The following PTCHD4 variants were observed in gnomAD, a reference collection of about 807,000 sequenced individuals.
PTCHD4 encodes patched domain-containing protein 4.
PTCHD4 carries 33 observed loss-of-function variants against 58.1 expected under a neutral mutation model. The observed-to-expected ratio is 0.57, with a 90% CI of 0.43 to 0.76. The LOEUF is 0.76. Ranked by LOEUF, PTCHD4 falls within the 30% of genes least tolerant of loss-of-function variation. The pLI is 0.00. For missense variants in PTCHD4, 1,058 were observed against 1,027.1 expected (o/e 1.03, Z -0.41); for synonymous variants, 478 against 409.6 (o/e 1.17, Z -2.02).
Position 47,956,928 on chromosome 6 carries a change from C to A in PTCHD4, c.898+51706G>T, listed in dbSNP as rs186791468. On this transcript the variant is annotated intron_variant, in intron 4 of 4. Coordinates refer to ENST00000339488, the MANE Select transcript of PTCHD4 (RefSeq NM_001384253.1). ...CCTGTAATCCTAGCACTTTGGGAGG[C>A]CGAGGAGGGCAGCTCACTTGAGGTC... Among the ~76,000 whole-genome samples the A allele has an allele frequency of 7.4e-3, 1,119 of 152,012 alleles. 12 individuals are homozygous for A. The highest frequency in any genetic ancestry group is 0.025 in the African/African-American group (1,058 of 41,494).
At chr6:48,095,971 T>C (rs925369508) in intron 1 of PTCHD4, among the ~76,000 whole-genome samples, 20 of 152,154 alleles carry the variant, frequency 1.3e-4, no homozygotes, top group African/African-American at 4.8e-4. Context: ...ACAAATTTAC[T>C]TGGACATATT....
intron 4 of PTCHD4, among the ~76,000 whole-genome samples, chr6:47,925,662 G>T (rs188423272): frequency 2.0e-4 from 31 of 152,298 alleles, no homozygotes; most frequent in Non-Finnish European, 3.8e-4. Context: ...CAACCACAAA[G>T]GTGGGACTCC....
At chr6:47,899,590 T>C (rs1764634504) in intron 4 of PTCHD4, 7 of 982,580 alleles carry the variant, frequency 7.1e-6, no homozygotes, top group Non-Finnish European at 8.5e-6. Context: ...AAAAAAGAAA[T>C]GGAAAGTGAA....
intron 4 of PTCHD4, among the ~76,000 whole-genome samples, chr6:47,882,293 T>G (rs1764040490): frequency 6.6e-6 from 1 of 152,088 alleles, no homozygotes; most frequent in African/African-American, 2.4e-5. Context: ...GTACACTATG[T>G]AGGCCAGATT....
chr6:47,920,651 C>T (rs1055665868), intron 4 of PTCHD4, among the ~76,000 whole-genome samples: 5 of 152,116 alleles, frequency 3.3e-5, no homozygotes, highest in Non-Finnish European at 7.4e-5. Context: ...TTACCATTGT[C>T]TACTGCTTTG....
chr6:47,962,112 TAA>T (rs1389554194), intron 4 of PTCHD4, among the ~76,000 whole-genome samples: 1 of 152,136 alleles, frequency 6.6e-6, no homozygotes, highest in Non-Finnish European at 1.5e-5. Flanking sequence ...TTAATTATAA[TAA>T]GAGAATATTA....
Position 48,095,742 on chromosome 6 carries a change from A to C in PTCHD4, c.-970+15307T>G, listed in dbSNP as rs561584812. On this transcript the variant is annotated intron_variant, in intron 1 of 4. Coordinates refer to ENST00000339488, the MANE Select transcript of PTCHD4 (RefSeq NM_001384253.1). ...ACAAACAAAAGGAACCAAAAAAAAA[A>C]AAAAACAAATATAACTGTTGTGTTT... 3.9e-5 allele frequency among the ~76,000 whole-genome samples: 6 copies of C among 151,958 alleles called. No individual in the cohort carries two copies. In the East Asian group the frequency reaches 1.2e-3, roughly 29 times the overall value.
intron 4 of PTCHD4, among the ~76,000 whole-genome samples, chr6:47,976,796 A>G (rs1767709152): frequency 6.6e-6 from 1 of 152,072 alleles, no homozygotes. Context: ...TATATTATCA[A>G]TATGGATATT....
At chr6:47,941,205 C>T (rs1766208433) in intron 4 of PTCHD4, among the ~76,000 whole-genome samples, 1 of 152,166 alleles carries the variant, frequency 6.6e-6, no homozygotes, top group East Asian at 1.9e-4. Flanking sequence ...ACTTTTGAAA[C>T]TTTTGGGACA....
At chr6:47,963,416 A>C (rs899399643) in intron 4 of PTCHD4, among the ~76,000 whole-genome samples, 3 of 152,194 alleles carry the variant, frequency 2.0e-5, no homozygotes, top group African/African-American at 7.2e-5. Flanking sequence ...GCTGCTATGA[A>C]AACTGTATGG....
chr6:47,959,488 G>A (rs1050300746), intron 4 of PTCHD4, among the ~76,000 whole-genome samples: 2 of 152,072 alleles, frequency 1.3e-5, no homozygotes, highest in Non-Finnish European at 2.9e-5. Flanking sequence ...ATAGGAATGG[G>A]GGAGCAGAAA....
At chr6:48,081,420 A>G (rs1315739242) in intron 1 of PTCHD4, among the ~76,000 whole-genome samples, 2 of 152,160 alleles carry the variant, frequency 1.3e-5, no homozygotes, top group Non-Finnish European at 2.9e-5. Flanking sequence ...ATCTTCTGCC[A>G]CCTTCTAGTG....
At chr6:48,009,624 T>A (rs561944769) in intron 3 of PTCHD4, among the ~76,000 whole-genome samples, 1 of 152,346 alleles carries the variant, frequency 6.6e-6, no homozygotes, top group South Asian at 2.1e-4. Flanking sequence ...AATATTCTTA[T>A]ATATTCTCTA....
chr6:48,003,071 T>C (rs1294815624), intron 4 of PTCHD4, among the ~76,000 whole-genome samples: 1 of 152,180 alleles, frequency 6.6e-6, no homozygotes, highest in Non-Finnish European at 1.5e-5. Flanking sequence ...CTTAGTGTCA[T>C]TTTCTGAATC....
At chr6:47,886,070 G>T (rs1256232103) in intron 4 of PTCHD4, among the ~76,000 whole-genome samples, 2 of 151,330 alleles carry the variant, frequency 1.3e-5, no homozygotes, top group African/African-American at 4.8e-5. Context: ...TGCCCGCCTC[G>T]GCCTCCCAAA....
chr6:47,990,953 G>C (rs1481688447), intron 4 of PTCHD4, among the ~76,000 whole-genome samples: 1 of 152,022 alleles, frequency 6.6e-6, no homozygotes, highest in Non-Finnish European at 1.5e-5. Flanking sequence ...TTAGCAAACT[G>C]TTCTATCAGA....
intron 4 of PTCHD4, chr6:47,901,995 A>C (rs1581851254): frequency 9.1e-7 from 1 of 1,100,364 alleles, no homozygotes; most frequent in East Asian, 5.9e-5. Context: ...AGCCTCACTC[A>C]TATTTCCCAC....
intron 1 of PTCHD4, among the ~76,000 whole-genome samples, chr6:48,073,085 T>G (rs945317055): frequency 1.3e-4 from 20 of 152,306 alleles, no homozygotes; most frequent in African/African-American, 4.8e-4. Flanking sequence ...AAAACATCAG[T>G]GGATATCAAT....
intron 3 of PTCHD4, among the ~76,000 whole-genome samples, chr6:48,037,177 T>A (rs1356239618): frequency 1.3e-5 from 2 of 152,150 alleles, no homozygotes; most frequent in Non-Finnish European, 2.9e-5. Context: ...TAGTGTAAGA[T>A]ATTTTGAGAG....
Sources: gnomAD v4.1 joint callset for allele counts (sites outside exome capture counted in the v4.1 genomes callset) on GRCh38, gnomAD v4.1.1 for gene constraint, MANE v1.5 for transcripts, NCBI Gene and HGNC (gene_info 2026-07-23, HGNC 2026-07-21) for gene names.